Variants in BARX2 observed in about 807,000 individuals in gnomAD.
BARX2 encodes BARX homeobox 2.
In BARX2, 11 loss-of-function variants were observed where a neutral mutation model predicts 25.5. The ratio of observed to expected loss-of-function variants is 0.43; its 90% confidence interval spans 0.27 to 0.71. The LOEUF (loss-of-function observed/expected upper bound fraction) is 0.71, where lower values mean the gene tolerates loss of function less well. Among genes scored for constraint, BARX2 ranks in the 30% least tolerant of loss-of-function variants. BARX2 has a pLI of 0.19. For synonymous variants in BARX2, 137 were observed against 149.5 expected (o/e 0.92, Z 0.61); for missense variants, 360 against 359.9 (o/e 1.00, Z 0.00).
At chr11:129,405,308 G>A (rs1160667092) in intron 1 of BARX2, among the ~76,000 whole-genome samples, 1 of 152,146 alleles carries the variant, frequency 6.6e-6, no homozygotes, top group Non-Finnish European at 1.5e-5. Context: ...GAGTTTGCAA[G>A]TCTGAAACCA....
intron 1 of BARX2, among the ~76,000 whole-genome samples, chr11:129,405,939 C>G (rs1174262772): frequency 6.6e-6 from 1 of 152,174 alleles, no homozygotes; most frequent in East Asian, 1.9e-4. Context: ...TTCTAGAATG[C>G]TTATATTCTT....
chr11:129,395,711 C>G (rs967887377), intron 1 of BARX2, among the ~76,000 whole-genome samples: 1 of 152,136 alleles, frequency 6.6e-6, no homozygotes, highest in East Asian at 1.9e-4. Flanking sequence ...TGGGTTTTGA[C>G]TGTCTTCTCC....
intron 3 of BARX2, among the ~76,000 whole-genome samples, chr11:129,446,016 G>A (rs1365643185): frequency 6.6e-6 from 1 of 152,140 alleles, no homozygotes; most frequent in Non-Finnish European, 1.5e-5. Flanking sequence ...GGCTGCCAAG[G>A]GTAACTTTGC....
intron 1 of BARX2, among the ~76,000 whole-genome samples, chr11:129,399,457 G>C (rs1861754720): frequency 6.6e-6 from 1 of 152,068 alleles, no homozygotes; most frequent in South Asian, 2.1e-4. Flanking sequence ...GAACTCTGTG[G>C]CCCAAGCAAT....
chr11:129,409,827 T>C (rs1186409583), intron 1 of BARX2, among the ~76,000 whole-genome samples: 1 of 152,220 alleles, frequency 6.6e-6, no homozygotes, highest in Admixed American at 6.5e-5. Context: ...TCACCTGCAG[T>C]TAAGAAATAT....
At chr11:129,434,117 C>CA (rs146352602) in intron 1 of BARX2, among the ~76,000 whole-genome samples, 21,727 of 146,706 alleles carry the variant, frequency 0.15, 1,651 homozygotes, top group African/African-American at 0.16. Flanking sequence ...TAAAGGCAGA[C>CA]AAAAAAAAAA....
rs760848597 is a variant in BARX2, at chr11:129,436,952, A to G, written c.389A>G (p.Gln130Arg). 3 of 1,612,436 alleles carry G rather than the reference A, an allele frequency of 1.9e-6. No individual in the cohort carries two copies. In the Admixed American group the frequency reaches 5.0e-5, roughly 27 times the overall value. Residue 130 changes from glutamine (Q) to arginine (R), a missense_variant, in exon 2 of 4, where the codon CAG becomes CGG. By Grantham distance (43) the Gln-to-Arg change is conservative. Around this residue, in one of 3 missense-constraint regions of BARX2, gnomAD observed 240 missense variants for 228.7 expected, o/e 1.05. Coordinates refer to ENST00000281437, the MANE Select transcript of BARX2 (RefSeq NM_003658.5). This position sits in a 1 kb window ranked among gnomAD's most constrained non-coding sequence, Gnocchi z 4.5. Reference protein sequence around the residue: ...ESETEQPTPRQKKPRRSRTIF... With the variant: ...ESETEQPTPRRKKPRRSRTIF... The stretch of plus-strand genomic sequence containing the variant: ...GAGACGGAACAGCCCACGCCCCGAC[A>G]GAAGAAGCCCCGCCGGAGTCGCACC...
intron 1 of BARX2, among the ~76,000 whole-genome samples, chr11:129,410,337 C>G (rs1861872796): frequency 6.6e-6 from 1 of 151,964 alleles, no homozygotes; most frequent in South Asian, 2.1e-4. Context: ...ATACTATTTC[C>G]TGGATACAGT....
Position 129,451,190 on chromosome 11 carries a change from A to G in BARX2, c.628A>G (p.Asn210Asp). The G allele has an allele frequency of 6.2e-7, 1 of 1,614,194 alleles. No homozygotes were observed. The highest frequency in any genetic ancestry group is 8.5e-7 in the Non-Finnish European group (1 of 1,180,042). ...AAAACCCAAAGGTCGCCCCAAGAAGAACTCCATCCCCACATCAGAAGAGAT... is the reference window on the plus strand; with the variant it reads ...AAAACCCAAAGGTCGCCCCAAGAAGGACTCCATCCCCACATCAGAAGAGAT... ...PTKPKGRPKK[N>D]SIPTSEEIEA... The change falls in exon 4 of 4, where the codon AAC becomes GAC. Residue 210 changes from asparagine (N) to aspartate (D), a missense_variant. Transcript: ENST00000281437.
Position 129,436,842 on chromosome 11 carries a change from C to A in BARX2, c.279C>A (p.Ile93=), listed in dbSNP as rs149011396. 1 of 1,614,006 alleles carries A rather than the reference C, an allele frequency of 6.2e-7. No individual in the cohort carries two copies. The highest frequency in any genetic ancestry group is 2.2e-5 in the East Asian group (1 of 44,880). ...ISHLVPATPG[I]AQALSCHQVT... ...ACCTGGTCCCTGCCACCCCGGGAAT[C>A]GCCCAGGCACTGTCCTGCCACCAGG... The change falls in exon 2 of 4, where the codon ATC becomes ATA. Residue 93 remains isoleucine, a synonymous_variant. Coordinates refer to ENST00000281437, the MANE Select transcript of BARX2 (RefSeq NM_003658.5). This position sits in a 1 kb window ranked among gnomAD's most constrained non-coding sequence, Gnocchi z 4.5.
chr11:129,400,713 G>T (rs756264996), intron 1 of BARX2, among the ~76,000 whole-genome samples: 1 of 152,124 alleles, frequency 6.6e-6, no homozygotes, highest in African/African-American at 2.4e-5. Flanking sequence ...ACGTTGACAG[G>T]GATAAGATTG....
intron 1 of BARX2, among the ~76,000 whole-genome samples, chr11:129,391,516 A>C (rs1229193376): frequency 6.6e-6 from 1 of 152,174 alleles, no homozygotes; most frequent in Non-Finnish European, 1.5e-5. Context: ...CTCCTCAGTT[A>C]CGAAATAAGG....
intron 3 of BARX2, among the ~76,000 whole-genome samples, chr11:129,445,381 C>T (rs1591449872): frequency 6.6e-6 from 1 of 152,346 alleles, no homozygotes; most frequent in South Asian, 2.1e-4. Context: ...CAGGCAGCCT[C>T]CTCTGCCAGC....
chr11:129,436,555 A>C lies in BARX2; in HGVS notation c.188-196A>C, dbSNP rs1873934. ...GGCCGTGGGCTTCATCTTCCCACAC[A>C]GAGCAGAGCAGACCTCTGTGCCTGC... On this transcript the variant is annotated intron_variant, in intron 1 of 3. Transcript: ENST00000281437. This position sits in a 1 kb window ranked among gnomAD's most constrained non-coding sequence, Gnocchi z 4.5. 490,912 of 508,726 alleles carry C rather than the reference A, an allele frequency of 0.96. 236,965 individuals are homozygous for C. The highest frequency in any genetic ancestry group is 1 in the East Asian group (32,420 of 32,424). The allele number at this position is 508,726 out of a possible 1,614,324, so 31.5% of individuals were successfully genotyped here.
chr11:129,417,378 C>A (rs1340311508), intron 1 of BARX2, among the ~76,000 whole-genome samples: 1 of 152,162 alleles, frequency 6.6e-6, no homozygotes, highest in African/African-American at 2.4e-5. Context: ...TTCTTATCTC[C>A]TGCTCTCAGC....
intron 1 of BARX2, among the ~76,000 whole-genome samples, chr11:129,429,672 A>C (rs1862107739): frequency 6.6e-6 from 1 of 152,188 alleles, no homozygotes; most frequent in South Asian, 2.1e-4. Flanking sequence ...GTGATCCTAT[A>C]ATAGGATCAT....
intron 1 of BARX2, among the ~76,000 whole-genome samples, chr11:129,400,016 G>T (rs770749961): frequency 6.6e-6 from 1 of 152,146 alleles, no homozygotes; most frequent in Non-Finnish European, 1.5e-5. Flanking sequence ...GATTCCAGGT[G>T]TGCATCACCA....
At chr11:129,381,418 T>G (rs370688493) in intron 1 of BARX2, among the ~76,000 whole-genome samples, 3 of 152,170 alleles carry the variant, frequency 2.0e-5, no homozygotes, top group African/African-American at 7.2e-5. Flanking sequence ...TGTTGTTTTT[T>G]CCTAGTGTAT....
At position 129,401,081 on chromosome 11, in the gene BARX2, A is replaced by G. The variant is rs78521185; in HGVS notation, c.187+24859A>G. 4.7e-3 allele frequency among the ~76,000 whole-genome samples: 712 copies of G among 152,348 alleles called. 3 individuals carry two copies. Among genetic ancestry groups the G allele is most frequent in the African/African-American group, 0.016 (685 of 41,576 alleles). On this transcript the variant is annotated intron_variant, in intron 1 of 3. Coordinates refer to ENST00000281437, the MANE Select transcript of BARX2 (RefSeq NM_003658.5). The stretch of plus-strand genomic sequence containing the variant: ...GAGTGCAAGATCCTGCTCTTCACTA[A>G]GAAACATATTCTGGATATAAAAATG...
Sources: gnomAD v4.1 joint callset for allele counts (sites outside exome capture counted in the v4.1 genomes callset) on GRCh38, gnomAD v4.1.1 for gene constraint, gnomAD v4.1.1 regional missense constraint, Gnocchi (gnomAD v3.1) non-coding constraint, MANE v1.5 for transcripts, NCBI Gene and HGNC (gene_info 2026-07-23, HGNC 2026-07-21) for gene names.